The following DIAPH2 variants were observed in gnomAD, a reference collection of about 807,000 sequenced individuals.
The protein encoded by DIAPH2 is protein diaphanous homolog 2.
In DIAPH2, 35 loss-of-function variants were observed where a neutral mutation model predicts 92.7. The ratio of observed to expected loss-of-function variants is 0.38; its 90% CI spans 0.29 to 0.50. The LOEUF is 0.50. DIAPH2 is among the 20% of genes least tolerant of loss of function. The pLI is 0.94. For missense variants in DIAPH2, 701 were observed against 819.5 expected, an observed-to-expected ratio of 0.86 and a Z score of 1.77; for synonymous variants, 301 against 280.4, an observed-to-expected ratio of 1.07 and a Z score of -0.73.
rs1952989176 is a variant in DIAPH2 at position 97,157,305 on chromosome X, A to T, written c.2719+15511A>T. On this transcript the variant is annotated intron_variant, in intron 22 of 26. Transcript: ENST00000324765. Reference sequence around the variant, plus strand: ...CTCCAGCCTGGGCAACAAGAGCGAAACTCCATCTCAAAATAATAATAATAA... The same window carrying T: ...CTCCAGCCTGGGCAACAAGAGCGAATCTCCATCTCAAAATAATAATAATAA... 2.9e-5 allele frequency among the ~76,000 whole-genome samples: 3 copies of T among 102,900 alleles called. No individual in the cohort carries two copies. The Admixed American group carries it at 3.3e-4, about 11-fold the overall frequency. 89.4% of individuals were successfully genotyped at this position (102,900 alleles called of 115,157 possible).
intron 23 of DIAPH2, among the ~76,000 whole-genome samples, chrX:97,274,006 G>GGTGTGT (rs55778849): frequency 0.01 from 877 of 86,728 alleles, 13 homozygotes; most frequent in African/African-American, 0.032. Context: ...TAAAACTAGC[G>GGTGTGT]GTGTGTGTGT....
At chrX:97,569,054 C>T (rs1433741672) in intron 26 of DIAPH2, among the ~76,000 whole-genome samples, 4 of 112,017 alleles carry the variant, frequency 3.6e-5, no homozygotes, top group Non-Finnish European at 7.5e-5. Context: ...GTTCACCTGA[C>T]AGTTGGCTTT....
At chrX:96,692,072 A>C (rs368021315) in intron 1 of DIAPH2, among the ~76,000 whole-genome samples, 2 of 112,496 alleles carry the variant, frequency 1.8e-5, no homozygotes, top group South Asian at 7.3e-4. Flanking sequence ...AAAGTAAAAG[A>C]AATAAACTTT....
intron 26 of DIAPH2, among the ~76,000 whole-genome samples, chrX:97,521,336 G>A (rs916445227): frequency 2.7e-5 from 3 of 112,213 alleles, no homozygotes; most frequent in Non-Finnish European, 5.6e-5. Flanking sequence ...AATACAATTT[G>A]CAACACATTG....
At chrX:97,272,272 C>CA (rs935623473) in intron 23 of DIAPH2, among the ~76,000 whole-genome samples, 1 of 111,543 alleles carries the variant, frequency 9.0e-6, no homozygotes, top group Non-Finnish European at 1.9e-5. Context: ...GCTGGGATTA[C>CA]AGGTGTGAGC....
At chrX:97,091,857 G>C (rs1339048625) in intron 19 of DIAPH2, among the ~76,000 whole-genome samples, 2 of 111,436 alleles carry the variant, frequency 1.8e-5, no homozygotes, top group Non-Finnish European at 3.8e-5. Flanking sequence ...TTTACAACTA[G>C]GTAGTTTAAA....
At chrX:97,412,785 A>C (rs2069891564) in intron 25 of DIAPH2, among the ~76,000 whole-genome samples, 1 of 112,358 alleles carries the variant, frequency 8.9e-6, no homozygotes, top group African/African-American at 3.2e-5. Context: ...CCTCTATGCA[A>C]ATAAACTAGA....
intron 26 of DIAPH2, among the ~76,000 whole-genome samples, chrX:97,550,579 C>G (rs780223155): frequency 9.0e-6 from 1 of 110,768 alleles, no homozygotes; most frequent in Non-Finnish European, 1.9e-5. Flanking sequence ...ACACTTAACT[C>G]TGAGCCCCAA....
chrX:96,833,903 C>T (rs1197571137), intron 4 of DIAPH2, among the ~76,000 whole-genome samples: 1 of 111,211 alleles, frequency 9.0e-6, no homozygotes, highest in Admixed American at 9.6e-5. Context: ...AAGTGATCTG[C>T]CCACCTCGCT....
At chrX:97,435,179 C>T (rs982061410) in intron 26 of DIAPH2, among the ~76,000 whole-genome samples, 2 of 111,651 alleles carry the variant, frequency 1.8e-5, no homozygotes, top group Admixed American at 9.5e-5. Context: ...TTTTGAAGAG[C>T]ATCCTTTCAA....
chrX:97,516,332 A>G (rs563076417), intron 26 of DIAPH2, among the ~76,000 whole-genome samples: 162 of 112,263 alleles, frequency 1.4e-3, no homozygotes, highest in Middle Eastern at 9.2e-3. Context: ...AAGAAATACT[A>G]TGTGCTTAGT....
At chrX:97,124,630 G>A (rs2067079017) in intron 21 of DIAPH2, among the ~76,000 whole-genome samples, 1 of 111,343 alleles carries the variant, frequency 9.0e-6, no homozygotes, top group Non-Finnish European at 1.9e-5. Flanking sequence ...GAGACTCATG[G>A]GATTTTTTTC....
chrX:96,966,021 CATTT>C (rs1329946743), intron 17 of DIAPH2, among the ~76,000 whole-genome samples: 7 of 111,497 alleles, frequency 6.3e-5, no homozygotes, highest in African/African-American at 2.3e-4. Context: ...CTTTATCATT[CATTT>C]GTCTGATTTG....
At chrX:96,703,028 C>A (rs949949471) in intron 1 of DIAPH2, among the ~76,000 whole-genome samples, 3 of 111,588 alleles carry the variant, frequency 2.7e-5, no homozygotes, top group African/African-American at 9.8e-5. Flanking sequence ...GACATTCAGT[C>A]CATGACAACG....
At chrX:96,951,992 G>A (rs969430972) in intron 15 of DIAPH2, among the ~76,000 whole-genome samples, 14 of 111,207 alleles carry the variant, frequency 1.3e-4, no homozygotes, top group African/African-American at 3.9e-4. Flanking sequence ...AATGGGAAAC[G>A]ACACACATTT....
chrX:96,691,461 G>T (rs1456263977), intron 1 of DIAPH2, among the ~76,000 whole-genome samples: 1 of 112,271 alleles, frequency 8.9e-6, no homozygotes, highest in African/African-American at 3.2e-5. Context: ...GTGAATGTCA[G>T]TAATGGAGAG....
At chrX:96,866,696 G>C (rs977042489) in intron 4 of DIAPH2, among the ~76,000 whole-genome samples, 1 of 111,729 alleles carries the variant, frequency 9.0e-6, no homozygotes, top group Non-Finnish European at 1.9e-5. Context: ...AAGTTGAAAG[G>C]CTCATTCATT....
Position 97,247,696 on chromosome X carries a change from T to C in DIAPH2, c.2720-19T>C, listed in dbSNP as rs767288711. On this transcript the variant is annotated intron_variant, in intron 22 of 26. Transcript: ENST00000324765. ...ACACTTGGTAAAATATTCTAAATCC[T>C]TTGCACACTGTTCTTTAGTTTCAGC... 1.2e-5 allele frequency: 14 copies of C among 1,192,264 alleles called. No individual in the cohort carries two copies. The South Asian group carries it at 2.6e-4, about 22-fold the overall frequency.
chrX:96,928,987 C>A (rs1318115440), intron 9 of DIAPH2, among the ~76,000 whole-genome samples: 1 of 111,320 alleles, frequency 9.0e-6, no homozygotes, highest in Admixed American at 9.5e-5. Flanking sequence ...TAACTTGTTT[C>A]TTACAGAAAT....
Sources: gnomAD v4.1 joint callset for allele counts (sites outside exome capture counted in the v4.1 genomes callset) on GRCh38, gnomAD v4.1.1 for gene constraint, MANE v1.5 for transcripts, NCBI Gene and HGNC (gene_info 2026-07-23, HGNC 2026-07-21) for gene names.